The following BOC variants were observed in gnomAD, a reference collection of about 807,000 sequenced individuals.
BOC encodes the protein BOC cell adhesion associated, oncogene regulated.
In BOC, 76 loss-of-function variants were observed where a neutral mutation model predicts 112.0. That is an observed-to-expected ratio of 0.68 (90% CI 0.56 to 0.82). The LOEUF (loss-of-function observed/expected upper bound fraction) is 0.82. BOC is among the 40% of genes least tolerant of loss of function. The pLI, the probability that BOC is intolerant of heterozygous loss-of-function variation, is 0.00. For missense variants in BOC, 1,309 were observed against 1,511.7 expected, an observed-to-expected ratio of 0.87 and a Z score of 2.22; for synonymous variants, 580 against 599.8, an observed-to-expected ratio of 0.97 and a Z score of 0.48.
chr3:113,279,751 G>C (rs1949013913), intron 12 of BOC, 73 bp from the exon 13 acceptor site: 1 of 1,480,158 alleles, frequency 6.8e-7, no homozygotes, highest in African/African-American at 1.4e-5. Context: ...CCAGGTCCTG[G>C]GCCTTGAAAG....
Position 113,278,150 on chromosome 3 carries a change from A to C in BOC, c.1598A>C (p.His533Pro). The C allele has an allele frequency of 6.2e-7, 1 of 1,614,204 alleles. No homozygotes were observed. Among genetic ancestry groups the C allele is most frequent in the Non-Finnish European group, 8.5e-7 (1 of 1,180,048 alleles). ...WTISGIPANQ[H>P]RLTLTRLDPG... is the part of the protein sequence containing the mutation. ...ATCTCTGGCATTCCAGCCAACCAGC[A>C]CCGCCTGACCCTCACCAGACTTGAC... The change falls in exon 10 of 20, where the codon CAC (histidine) becomes CCC (proline). Residue 533 changes from histidine (H) to proline (P), a missense_variant. Coordinates refer to ENST00000682979, the MANE Select transcript of BOC (RefSeq NM_001378074.1). This position sits in a 1 kb window ranked among gnomAD's most constrained non-coding sequence, Gnocchi z 4.2.
At chr3:113,280,084 T>C in intron 13 of BOC, 79 bp downstream of exon 13, 1 of 1,404,578 alleles carries the variant, frequency 7.1e-7, no homozygotes, top group South Asian at 1.4e-5. Context: ...GGGATTAGAC[T>C]CCCCCGAACA....
intron 18 of BOC, 124 bp from the exon 19 acceptor site, chr3:113,285,248 C>T: frequency 5.8e-6 from 5 of 864,798 alleles, no homozygotes; most frequent in Non-Finnish European, 7.5e-6. Context: ...GGAGAGCAGT[C>T]CTTGCCCCAT....
At chr3:113,222,293 A>G (rs1194487696) in intron 2 of BOC, among the ~76,000 whole-genome samples, 1 of 151,244 alleles carries the variant, frequency 6.6e-6, no homozygotes, top group Non-Finnish European at 1.5e-5. Flanking sequence ...TTTTTTTTTC[A>G]TTTTTGCTAG....
intron 11 of BOC, among the ~76,000 whole-genome samples, 182 bp from the exon 12 acceptor site, chr3:113,279,067 C>G (rs901374969): frequency 2.0e-5 from 3 of 152,196 alleles, no homozygotes; most frequent in Non-Finnish European, 2.9e-5. Context: ...GGGGTCTTAG[C>G]TCAAAGCCCA....
intron 4 of BOC, among the ~76,000 whole-genome samples, chr3:113,267,189 T>C (rs1343026344): frequency 2.0e-5 from 3 of 152,158 alleles, no homozygotes; most frequent in Non-Finnish European, 4.4e-5. Flanking sequence ...TTATACTCCA[T>C]TAGTTTTATT....
intron 4 of BOC, among the ~76,000 whole-genome samples, chr3:113,257,529 A>AAT (rs894989150): frequency 6.3e-4 from 96 of 152,180 alleles, no homozygotes; most frequent in African/African-American, 2.3e-3. Flanking sequence ...TTGATTTTTA[A>AAT]ATATATATAT....
At position 113,286,766 on chromosome 3, in the gene BOC, C is replaced by G; in HGVS notation, c.3252C>G (p.His1084Gln). 2 of 1,613,904 alleles carry G rather than the reference C, an allele frequency of 1.2e-6. No homozygotes were observed. Among genetic ancestry groups the G allele is most frequent in the Non-Finnish European group, 1.7e-6 (2 of 1,179,868 alleles). The change falls in exon 20 of 20, where the codon CAC (histidine) becomes CAG (glutamine). Residue 1084 changes from histidine (H) to glutamine (Q), a missense_variant. Physicochemically the swap from His to Gln is conservative, Grantham distance 24. Transcript: ENST00000682979. ...GTGGAGGAGACTGGTGTCCCCAGCA[C>G]CCCGTAGGGGCCTACGTAGGACAGG... ...QVSGGDWCPQ[H>Q]PVGAYVGQEP...
chr3:113,243,349 C>A (rs1477061036), intron 2 of BOC, among the ~76,000 whole-genome samples: 1 of 152,064 alleles, frequency 6.6e-6, no homozygotes, highest in African/African-American at 2.4e-5. Flanking sequence ...AACAGTCAAG[C>A]AGACTATTTG....
At position 113,279,950 on chromosome 3, in the gene BOC, C is replaced by T; in HGVS notation, c.2150C>T (p.Pro717Leu). 1 of 1,613,848 alleles carries T rather than the reference C, an allele frequency of 6.2e-7. No homozygotes were observed. Residue 717 changes from proline to leucine, a missense_variant, in exon 13 of 20, where the codon CCT becomes CTT. Physicochemically the swap from Pro to Leu is moderately conservative, Grantham distance 98. Transcript: ENST00000682979. ...GRVYERPVAG[P>L]YITFTDAVNE... ...GTGTACGAGAGGCCCGTGGCAGGTC[C>T]TTATATCACCTTCACGGATGCGGTC... is the stretch of plus-strand genomic sequence containing the variant.
chr3:113,217,927 T>G (rs1939781947), intron 2 of BOC, among the ~76,000 whole-genome samples: 1 of 152,214 alleles, frequency 6.6e-6, no homozygotes. Flanking sequence ...ACATGAGATT[T>G]TAGCTGAGAA....
intron 2 of BOC, among the ~76,000 whole-genome samples, chr3:113,217,526 C>CAA (rs77047581): frequency 2.1e-4 from 31 of 149,930 alleles, no homozygotes; most frequent in East Asian, 4.0e-4. Context: ...GACCCTATCT[C>CAA]AAAAAAAAAA....
chr3:113,249,647 A>G (rs1945362147), intron 2 of BOC, 75 bp from the exon 3 acceptor site: 1 of 580,796 alleles, frequency 1.7e-6, no homozygotes, highest in Admixed American at 3.6e-5. Context: ...GACAAAGCCA[A>G]GCCCTGTGGC....
At chr3:113,217,849 A>C (rs980739109) in intron 2 of BOC, among the ~76,000 whole-genome samples, 1 of 152,188 alleles carries the variant, frequency 6.6e-6, no homozygotes, top group African/African-American at 2.4e-5. Context: ...TTAAGTTCCT[A>C]AAACCAATTA....
rs748143080 is a variant in BOC, at chr3:113,278,524, G to A, written c.1706-149G>A. 2.0e-4 allele frequency: 156 copies of A among 786,986 alleles called. No homozygotes were observed. The highest frequency in any genetic ancestry group is 1.6e-3 in the Middle Eastern group (7 of 4,306). The allele number at this position is 786,986 out of a possible 1,614,324, so 48.8% of individuals were successfully genotyped here. On this transcript the variant is annotated intron_variant, in intron 10 of 19. Coordinates refer to ENST00000682979, the MANE Select transcript of BOC (RefSeq NM_001378074.1). This position sits in a 1 kb window ranked among gnomAD's most constrained non-coding sequence, Gnocchi z 4.2. The stretch of plus-strand genomic sequence containing the variant: ...TACCACAACAGAACCAGTCTCGGCC[G>A]AGGCTGAGCCCACACCCTCAGTGCC...
At chr3:113,256,074 A>G (rs1289937771) in intron 4 of BOC, among the ~76,000 whole-genome samples, 1 of 152,184 alleles carries the variant, frequency 6.6e-6, no homozygotes, top group Non-Finnish European at 1.5e-5. Context: ...GGGAGAATGT[A>G]TAATATTAGT....
At chr3:113,233,145 T>TGG (rs1553725800) in intron 2 of BOC, among the ~76,000 whole-genome samples, 89 of 82,866 alleles carry the variant, frequency 1.1e-3, no homozygotes, top group African/African-American at 2.3e-3. Context: ...TGTAAAGGAT[T>TGG]GGGGTGTGTG....
chr3:113,283,330 T>G (rs1381200629), intron 15 of BOC, 81 bp from the exon 16 acceptor site: 3 of 1,381,960 alleles, frequency 2.2e-6, no homozygotes, highest in African/African-American at 3.5e-5. Flanking sequence ...ACCCATGGAA[T>G]GGGGGTATTT....
At chr3:113,261,974 T>A (rs1016227111) in intron 4 of BOC, 1 of 150,942 alleles carries the variant, frequency 6.6e-6, no homozygotes, top group Non-Finnish European at 1.5e-5. Flanking sequence ...AAAGGTTTGT[T>A]TTTTTTTTTA....
Sources: allele counts gnomAD v4.1 joint callset (sites outside exome capture counted in the v4.1 genomes callset), GRCh38; gene constraint gnomAD v4.1.1; non-coding constraint Gnocchi (gnomAD v3.1); transcripts MANE v1.5; gene names NCBI Gene and HGNC (gene_info 2026-07-23, HGNC 2026-07-21).